The following ARF3 variants were observed in gnomAD, a reference collection of about 807,000 sequenced individuals.
ARF3 encodes the protein ADP-ribosylation factor 3.
A neutral mutation model predicts 19.3 loss-of-function variants in ARF3; 5 were observed. The ratio of observed to expected loss-of-function variants is 0.26; its 90% CI spans 0.14 to 0.54. The LOEUF is 0.54. ARF3 is among the 20% of genes least tolerant of loss of function. ARF3 has a pLI of 0.95. For synonymous variants in ARF3, 71 were observed against 89.2 expected (o/e 0.80, Z 1.15); for missense variants, 77 against 234.2 (o/e 0.33, Z 4.38).
In ARF3 at chr12:48,939,640, G is replaced by T. The variant is rs745585518; in HGVS notation, c.384+15C>A. The T allele has an allele frequency of 1.5e-5, 24 of 1,613,928 alleles. No homozygotes were observed. Among genetic ancestry groups the T allele is most frequent in the Non-Finnish European group, 1.6e-5 (19 of 1,179,954 alleles). On this transcript the variant is annotated intron_variant, in intron 4 of 4. Coordinates refer to ENST00000256682, the MANE Select transcript of ARF3 (RefSeq NM_001659.3). The surrounding 1 kb of genome is among the most constrained non-coding windows in gnomAD (Gnocchi z 4.8). Reference sequence around the variant, plus strand: ...TTTGCTGTCTCCCAAATTCAGGGGTGGGAAGAAGTCTCACCTGTTTGTTTG... The same window carrying T: ...TTTGCTGTCTCCCAAATTCAGGGGTTGGAAGAAGTCTCACCTGTTTGTTTG...
intron 1 of ARF3, among the ~76,000 whole-genome samples, chr12:48,948,262 T>C (rs530559913): frequency 7.6e-6 from 1 of 132,076 alleles, no homozygotes; most frequent in African/African-American, 2.8e-5. Context: ...TAAAAAAATT[T>C]ATATAATCTT....
chr12:48,948,979 T>G (rs1297514899), intron 1 of ARF3, among the ~76,000 whole-genome samples: 1 of 152,056 alleles, frequency 6.6e-6, no homozygotes, highest in Admixed American at 6.6e-5. Context: ...AGACACTGCT[T>G]AGGAGGTATA....
In ARF3 at chr12:48,936,842, G is replaced by T. The variant is rs1253870677; in HGVS notation, c.*2105C>A. 6.6e-6 allele frequency: 1 copy of T among 152,238 alleles called. No individual in the cohort carries two copies. The highest frequency in any genetic ancestry group is 2.4e-5 in the African/African-American group (1 of 41,434). 9.4% of individuals were successfully genotyped at this position (152,238 alleles called of 1,614,324 possible). On this transcript the variant is annotated 3_prime_UTR_variant, in exon 5 of 5. Coordinates refer to ENST00000256682, the MANE Select transcript of ARF3 (RefSeq NM_001659.3). ...AATGAGCAACAGCAGTGAATGAGTT[G>T]AGATTGAAAAGGAAAGAGTTCAAGG...
chr12:48,952,714 C>CT (rs1373261873), intron 1 of ARF3, among the ~76,000 whole-genome samples: 2 of 152,216 alleles, frequency 1.3e-5, no homozygotes, highest in Admixed American at 1.3e-4. Context: ...ACAGAGCAGC[C>CT]TAAGGACACA....
intron 1 of ARF3, among the ~76,000 whole-genome samples, chr12:48,948,588 G>A (rs1205694051): frequency 1.3e-5 from 2 of 151,536 alleles, no homozygotes; most frequent in Admixed American, 6.6e-5. Flanking sequence ...CGAGGTGGGC[G>A]GATCACAAGG....
chr12:48,953,113 C>T (rs1374017652), intron 1 of ARF3: 2 of 152,242 alleles, frequency 1.3e-5, no homozygotes, highest in African/African-American at 2.4e-5. Flanking sequence ...AATGACTGAC[C>T]TATAGCTAGT....
rs1404310349 is a variant in ARF3 at position 48,938,291 on chromosome 12, C to G, written c.*656G>C. ...ACCTGCAGAGAGGAGGGTAACCAGT[C>G]AAAGACTGGGGCAGTCCGGCTTGAC... On this transcript the variant is annotated 3_prime_UTR_variant, in exon 5 of 5. Coordinates refer to ENST00000256682, the MANE Select transcript of ARF3 (RefSeq NM_001659.3). 1 of 431,404 alleles carries G rather than the reference C, an allele frequency of 2.3e-6. No individual in the cohort carries two copies. The highest frequency in any genetic ancestry group is 4.7e-6 in the Non-Finnish European group (1 of 212,650). 26.7% of individuals were successfully genotyped at this position (431,404 alleles called of 1,614,324 possible).
chr12:48,948,404 G>GT (rs957714489), intron 1 of ARF3, among the ~76,000 whole-genome samples: 4 of 151,898 alleles, frequency 2.6e-5, no homozygotes, highest in South Asian at 2.1e-4. Flanking sequence ...CCAAATCATC[G>GT]TGACGCAGCT....
intron 1 of ARF3, 61 bp from the exon 2 acceptor site, chr12:48,941,249 GAATTT>G: frequency 1.1e-6 from 1 of 922,746 alleles, no homozygotes; most frequent in South Asian, 1.7e-5. Context: ...CAAGTAAATA[GAATTT>G]CCCAAGGTCA....
At chr12:48,944,714 C>G (rs563539831) in intron 1 of ARF3, among the ~76,000 whole-genome samples, 86 of 152,340 alleles carry the variant, frequency 5.6e-4, no homozygotes, top group Non-Finnish European at 1.1e-3. Flanking sequence ...GCTTAGCTAT[C>G]CTGTCCATTC....
rs903708420 is a variant in ARF3, at chr12:48,937,248, G to C, written c.*1699C>G. ...AACCTGGCCCCATGGAGTGGGGCTT[G>C]GGACAGCCCTACTGGGAAGGGGTCC... On this transcript the variant is annotated 3_prime_UTR_variant, in exon 5 of 5. Transcript: ENST00000256682. The C allele has an allele frequency of 6.6e-6, 1 of 152,270 alleles. No individual in the cohort carries two copies. The highest frequency in any genetic ancestry group is 2.4e-5 in the African/African-American group (1 of 41,462). The allele number at this position is 152,270 out of a possible 1,614,324, so 9.4% of individuals were successfully genotyped here.
chr12:48,936,003 C>T lies in ARF3; in HGVS notation c.*2944G>A, dbSNP rs1285908351. 3.3e-5 allele frequency: 5 copies of T among 152,208 alleles called. No individual in the cohort carries two copies. The East Asian group carries it at 5.8e-4, about 18-fold the overall frequency. The allele number at this position is 152,208 out of a possible 1,614,324, so 9.4% of individuals were successfully genotyped here. On this transcript the variant is annotated 3_prime_UTR_variant, in exon 5 of 5. Transcript: ENST00000256682. ...GCCCAATTCATTTGGGCTCCCCCGC[C>T]GCGGGGTATGATGGGAAGAAATAAC...
At chr12:48,955,141 C>A (rs1373395791) in intron 1 of ARF3, among the ~76,000 whole-genome samples, 1 of 152,184 alleles carries the variant, frequency 6.6e-6, no homozygotes. Flanking sequence ...CTTATTATGA[C>A]TCTAGTGTAA....
chr12:48,952,725 G>A (rs1298539622), intron 1 of ARF3, among the ~76,000 whole-genome samples: 1 of 152,226 alleles, frequency 6.6e-6, no homozygotes. Flanking sequence ...TAAGGACACA[G>A]AGGAACAGAG....
intron 1 of ARF3, among the ~76,000 whole-genome samples, chr12:48,944,544 CTA>C (rs1425752713): frequency 1.3e-5 from 2 of 152,240 alleles, no homozygotes; most frequent in Non-Finnish European, 2.9e-5. Context: ...TGTGCAAAGA[CTA>C]TGTCTACTTA....
At chr12:48,951,899 AAT>A (rs1016164253) in intron 1 of ARF3, among the ~76,000 whole-genome samples, 1 of 151,344 alleles carries the variant, frequency 6.6e-6, no homozygotes, top group Admixed American at 6.6e-5. Flanking sequence ...AACTAATTAA[AAT>A]AAATAAATAA....
chr12:48,955,032 A>G (rs558405532), intron 1 of ARF3, among the ~76,000 whole-genome samples: 2 of 152,128 alleles, frequency 1.3e-5, no homozygotes, highest in Non-Finnish European at 2.9e-5. Flanking sequence ...AGATTCTACA[A>G]TTTCCTTCAG....
intron 1 of ARF3, among the ~76,000 whole-genome samples, chr12:48,951,404 T>C (rs1940467446): frequency 6.7e-6 from 1 of 150,090 alleles, no homozygotes; most frequent in South Asian, 2.1e-4. Context: ...CTACTAAAAA[T>C]ACAAAATTAG....
At chr12:48,954,359 T>C (rs996264986) in intron 1 of ARF3, among the ~76,000 whole-genome samples, 2 of 152,212 alleles carry the variant, frequency 1.3e-5, no homozygotes, top group South Asian at 4.1e-4. Context: ...AGGCAGCAAG[T>C]TGTTCTTCTG....
Sources: allele counts gnomAD v4.1 joint callset (sites outside exome capture counted in the v4.1 genomes callset), GRCh38; gene constraint gnomAD v4.1.1; non-coding constraint Gnocchi (gnomAD v3.1); transcripts MANE v1.5; gene names NCBI Gene and HGNC (gene_info 2026-07-23, HGNC 2026-07-21).